The following CYP4X1 variants were observed in gnomAD, a reference collection of about 807,000 sequenced individuals.
CYP4X1 encodes cytochrome P450 family 4 subfamily X member 1.
Under a neutral mutation model 57.9 loss-of-function variants are expected in CYP4X1, and 44 were observed. The observed-to-expected ratio is 0.76, with a 90% CI of 0.60 to 0.98. CYP4X1 has a LOEUF of 0.98. Ranked by LOEUF, CYP4X1 falls within the 50% of genes least tolerant of loss-of-function variation. The pLI is 0.00. For synonymous variants in CYP4X1, 227 were observed against 228.6 expected (o/e 0.99, Z 0.06); for missense variants, 532 against 623.9 (o/e 0.85, Z 1.57).
chr1:46,979,717 G>A, the CYP4X1 span, among the ~76,000 whole-genome samples: 1 of 151,992 alleles, frequency 6.6e-6, no homozygotes, highest in Non-Finnish European at 1.5e-5. Flanking sequence ...ACATCGATGC[G>A]AAAATCCTCA....
At chr1:46,997,687 A>G in the CYP4X1 span, among the ~76,000 whole-genome samples, 1 of 152,176 alleles carries the variant, frequency 6.6e-6, no homozygotes, top group Non-Finnish European at 1.5e-5. Flanking sequence ...TCTTTTCGAG[A>G]AAATGATTTC....
the CYP4X1 span, among the ~76,000 whole-genome samples, chr1:46,978,014 C>T: frequency 6.6e-6 from 1 of 152,058 alleles, no homozygotes; most frequent in Non-Finnish European, 1.5e-5. Flanking sequence ...CCAGCCACTG[C>T]AAAAACATGC....
At chr1:47,016,498 C>A in the CYP4X1 span, among the ~76,000 whole-genome samples, 3 of 152,008 alleles carry the variant, frequency 2.0e-5, no homozygotes, top group Non-Finnish European at 2.9e-5. Flanking sequence ...CCCACCACCA[C>A]GCCCAGTTGA....
At chr1:47,036,948 T>TA (rs1335656227) in intron 6 of CYP4X1, among the ~76,000 whole-genome samples, 1 of 152,174 alleles carries the variant, frequency 6.6e-6, no homozygotes, top group Non-Finnish European at 1.5e-5. Context: ...TATGCACACT[T>TA]ACACATACAT....
At chr1:47,048,352 A>G (rs10890447) in intron 9 of CYP4X1, among the ~76,000 whole-genome samples, 60,371 of 152,104 alleles carry the variant, frequency 0.4, 13,182 homozygotes, top group East Asian at 0.97. Context: ...TTAAGATAGA[A>G]TCATGAATTC....
chr1:46,992,293 G>T, the CYP4X1 span, among the ~76,000 whole-genome samples: 1 of 152,192 alleles, frequency 6.6e-6, no homozygotes, highest in African/African-American at 2.4e-5. Context: ...AATTTAAATT[G>T]TACAGTTCAA....
In CYP4X1 at chr1:47,023,938, C is replaced by T. The variant is rs1644030372; in HGVS notation, c.121C>T (p.Arg41Trp). Residue 41 changes from arginine (R) to tryptophan (W), a missense_variant, in exon 1 of 12, where the codon CGG (arginine) becomes TGG (tryptophan). Coordinates refer to ENST00000371901, the MANE Select transcript of CYP4X1 (RefSeq NM_178033.2). ...KLYLRRQRLL[R>W]DLRPFPAPPT... is the part of the protein sequence containing the mutation. Reference sequence around the variant, plus strand: ...GTACCTGCGGAGGCAGCGGCTGCTGCGGGACCTGCGCCCCTTCCCAGCGCC... The same window carrying T: ...GTACCTGCGGAGGCAGCGGCTGCTGTGGGACCTGCGCCCCTTCCCAGCGCC... 6.2e-7 allele frequency: 1 copy of T among 1,613,410 alleles called. No homozygotes were observed. Among genetic ancestry groups the T allele is most frequent in the East Asian group, 2.2e-5 (1 of 44,880 alleles).
chr1:47,002,305 C>G, the CYP4X1 span, among the ~76,000 whole-genome samples: 1 of 152,262 alleles, frequency 6.6e-6, no homozygotes, highest in African/African-American at 2.4e-5. Context: ...AATGAAGTTG[C>G]TTAGGTTTTG....
chr1:46,961,750 T>C, the CYP4X1 span: 1 of 1,312,242 alleles, frequency 7.6e-7, no homozygotes, highest in Non-Finnish European at 1.0e-6. Context: ...CTTCCTCCAG[T>C]GGATTGGTGA....
the CYP4X1 span, among the ~76,000 whole-genome samples, chr1:47,007,198 T>C: frequency 6.6e-6 from 1 of 152,218 alleles, no homozygotes; most frequent in African/African-American, 2.4e-5. Context: ...GACTGACACC[T>C]CACACGGCCA....
rs3073873 is a variant in CYP4X1, at chr1:47,042,286, C to CT, written c.1073+2767dup. ...TTTTTATTCCATACGAATTTTAGGG[C>CT]TTTTTTTTTTTTTCGATTACTGTGA... is the stretch of plus-strand genomic sequence containing the variant. On this transcript the variant is annotated intron_variant, in intron 8 of 11. Transcript: ENST00000371901. Among the ~76,000 whole-genome samples, 257 of 136,618 alleles carry CT rather than the reference C, an allele frequency of 1.9e-3. 1 individual carries two copies. Among genetic ancestry groups the CT allele is most frequent in the African/African-American group, 5.6e-3 (213 of 37,960 alleles). The allele number at this position is 136,618 out of a possible 152,430, so 89.6% of individuals were successfully genotyped here. A position where few individuals can be genotyped will look rare whatever the true frequency, so the allele number is the denominator to read the frequency against.
chr1:46,999,900 T>C, the CYP4X1 span, among the ~76,000 whole-genome samples: 2 of 152,150 alleles, frequency 1.3e-5, no homozygotes, highest in Non-Finnish European at 2.9e-5. Flanking sequence ...AATTTGGAGC[T>C]GGACTTTTGA....
At chr1:46,992,239 C>T in the CYP4X1 span, among the ~76,000 whole-genome samples, 1 of 152,200 alleles carries the variant, frequency 6.6e-6, no homozygotes, top group African/African-American at 2.4e-5. Context: ...TCACTTGAAC[C>T]CGGGAGGCAG....
chr1:46,963,056 T>C, the CYP4X1 span, among the ~76,000 whole-genome samples: 2 of 152,216 alleles, frequency 1.3e-5, no homozygotes, highest in Non-Finnish European at 2.9e-5. Context: ...TCTGTTTTAT[T>C]AGAGACTAGA....
the CYP4X1 span, among the ~76,000 whole-genome samples, chr1:46,975,657 T>C: frequency 6.6e-6 from 1 of 152,114 alleles, no homozygotes; most frequent in African/African-American, 2.4e-5. Flanking sequence ...GATGGCCATC[T>C]TATATAGTAT....
intron 8 of CYP4X1, among the ~76,000 whole-genome samples, chr1:47,040,184 G>A (rs892522558): frequency 6.6e-6 from 1 of 152,096 alleles, no homozygotes; most frequent in African/African-American, 2.4e-5. Flanking sequence ...ATAGAGATAT[G>A]TGCTGGCTAA....
the CYP4X1 span, among the ~76,000 whole-genome samples, chr1:46,961,950 T>A: frequency 6.6e-6 from 1 of 152,138 alleles, no homozygotes. Context: ...GCAGGGGACA[T>A]GGACCCAGGC....
chr1:47,024,039 G>A (rs1339169625), intron 1 of CYP4X1, 45 bp downstream of exon 1: 2 of 1,574,926 alleles, frequency 1.3e-6, no homozygotes, highest in South Asian at 1.2e-5. Context: ...AGGGGCGGAG[G>A]AGGATGCGGC....
upstream of CYP4X1, among the ~76,000 whole-genome samples, chr1:47,021,458 A>C (rs1244786502): frequency 1.3e-5 from 2 of 152,184 alleles, no homozygotes; most frequent in Admixed American, 6.5e-5. Context: ...GGTGGTCAAG[A>C]GAGTATCTAA....
Sources: allele counts gnomAD v4.1 joint callset (sites outside exome capture counted in the v4.1 genomes callset), GRCh38; gene constraint gnomAD v4.1.1; transcripts MANE v1.5; gene names NCBI Gene and HGNC (gene_info 2026-07-23, HGNC 2026-07-21).